Variants in EIF4G3 observed in about 807,000 individuals in gnomAD.
The protein encoded by EIF4G3 is eukaryotic translation initiation factor 4 gamma 3.
A neutral mutation model predicts 186.4 loss-of-function variants in EIF4G3; 34 were observed. The observed-to-expected ratio is 0.18, with a 90% CI of 0.14 to 0.24. The LOEUF (loss-of-function observed/expected upper bound fraction) is 0.24, where lower values mean the gene tolerates loss of function less well. Among genes scored for constraint, EIF4G3 ranks in the 10% least tolerant of loss-of-function variants. The pLI is 1.00. For synonymous variants in EIF4G3, 673 were observed against 679.5 expected (o/e 0.99, Z 0.15); for missense variants, 1,536 against 1,948.5 (o/e 0.79, Z 3.99).
intron 26 of EIF4G3, 130 bp from the exon 27 acceptor site, chr1:20,853,807 G>A: frequency 1.5e-6 from 1 of 656,298 alleles, no homozygotes; most frequent in Non-Finnish European, 2.7e-6. Flanking sequence ...CCCATCTCCT[G>A]GTCCCTCTAC....
At chr1:21,027,299 T>A (rs2092263974) in intron 4 of EIF4G3, among the ~76,000 whole-genome samples, 1 of 150,478 alleles carries the variant, frequency 6.6e-6, no homozygotes, top group Non-Finnish European at 1.5e-5. Context: ...TTCAAGTGAT[T>A]CTCCTGCCTC....
intron 20 of EIF4G3, among the ~76,000 whole-genome samples, chr1:20,870,126 C>T (rs35597367): frequency 6.6e-6 from 1 of 152,086 alleles, no homozygotes; most frequent in Non-Finnish European, 1.5e-5. Context: ...CAAATCCCTC[C>T]TCCTCCAGTT....
Position 20,844,807 on chromosome 1 carries a change from G to A in EIF4G3, c.3889-3779C>T, listed in dbSNP as rs144542336. Among the ~76,000 whole-genome samples, 673 of 152,110 alleles carry A rather than the reference G, an allele frequency of 4.4e-3. 6 individuals carry two copies. The highest frequency in any genetic ancestry group is 5.9e-3 in the Non-Finnish European group (403 of 68,016). ...AGATTGCGCCACTGCACTCCAGCCT[G>A]GGCGACAAGAGCAACACTCCATCTC... On this transcript the variant is annotated intron_variant, in intron 29 of 36. Transcript: ENST00000602326.
intron 20 of EIF4G3, among the ~76,000 whole-genome samples, chr1:20,874,460 G>A (rs1482730228): frequency 2.0e-5 from 3 of 151,998 alleles, no homozygotes; most frequent in African/African-American, 4.8e-5. Context: ...TGTTGGCCGC[G>A]TAAATGTCTT....
chr1:21,158,771 G>A (rs1048864821), intron 2 of EIF4G3, among the ~76,000 whole-genome samples: 1 of 151,756 alleles, frequency 6.6e-6, no homozygotes, highest in Non-Finnish European at 1.5e-5. Context: ...TATATATATA[G>A]GTGTTCATCC....
At chr1:21,043,149 T>G (rs920858411) in intron 4 of EIF4G3, among the ~76,000 whole-genome samples, 1 of 152,152 alleles carries the variant, frequency 6.6e-6, no homozygotes, top group African/African-American at 2.4e-5. Context: ...TCTCCCAGGA[T>G]GCATCCAAAA....
intron 3 of EIF4G3, among the ~76,000 whole-genome samples, chr1:21,087,588 A>G (rs1030300591): frequency 6.6e-6 from 1 of 152,114 alleles, no homozygotes; most frequent in African/African-American, 2.4e-5. Flanking sequence ...TGAGCTCGGG[A>G]GTCTGACCAA....
chr1:21,034,216 A>C (rs998746613), intron 4 of EIF4G3, among the ~76,000 whole-genome samples: 1 of 152,214 alleles, frequency 6.6e-6, no homozygotes, highest in African/African-American at 2.4e-5. Context: ...ATCTCTTTTC[A>C]ACACCAGGGA....
At chr1:20,922,415 A>T (rs1219384129) in intron 14 of EIF4G3, among the ~76,000 whole-genome samples, 1 of 152,044 alleles carries the variant, frequency 6.6e-6, no homozygotes, top group African/African-American at 2.4e-5. Context: ...CTCCTGCCTC[A>T]GCCTCCCAAG....
chr1:20,936,624 T>C (rs1342140816), intron 14 of EIF4G3, among the ~76,000 whole-genome samples: 1 of 152,138 alleles, frequency 6.6e-6, no homozygotes, highest in African/African-American at 2.4e-5. Context: ...TTTAAAAGAT[T>C]AGTCATTTTT....
intron 26 of EIF4G3, among the ~76,000 whole-genome samples, 195 bp from the exon 27 acceptor site, chr1:20,853,872 G>C (rs1463353193): frequency 6.6e-6 from 1 of 152,094 alleles, no homozygotes; most frequent in Non-Finnish European, 1.5e-5. Flanking sequence ...GAGTTTAGAA[G>C]TCTTTATTTA....
intron 2 of EIF4G3, among the ~76,000 whole-genome samples, chr1:21,165,330 G>A (rs965582496): frequency 3.3e-5 from 5 of 152,008 alleles, no homozygotes; most frequent in Non-Finnish European, 5.9e-5. Context: ...TATACCCCAA[G>A]GTATATACTC....
chr1:21,054,723 G>A (rs1005599748), intron 3 of EIF4G3, among the ~76,000 whole-genome samples: 7 of 152,126 alleles, frequency 4.6e-5, no homozygotes, highest in African/African-American at 1.7e-4. Flanking sequence ...CAAAAGGTCT[G>A]AAGAAAATCT....
intron 27 of EIF4G3, 109 bp from the exon 28 acceptor site, chr1:20,851,587 C>A: frequency 9.8e-7 from 1 of 1,019,600 alleles, no homozygotes. Flanking sequence ...GAATTTTTCA[C>A]AGATAACATT....
At chr1:20,933,070 T>C (rs1197760110) in intron 14 of EIF4G3, among the ~76,000 whole-genome samples, 1 of 152,154 alleles carries the variant, frequency 6.6e-6, no homozygotes, top group Admixed American at 6.5e-5. Flanking sequence ...TGAGAGGATA[T>C]GGATACCAGA....
At chr1:20,813,368 G>T in intron 34 of EIF4G3, 129 bp from the exon 35 acceptor site, 3 of 369,682 alleles carry the variant, frequency 8.1e-6, no homozygotes, top group Non-Finnish European at 1.5e-5. Context: ...GTTGAGACCA[G>T]TCTGGGCAAT....
intron 2 of EIF4G3, among the ~76,000 whole-genome samples, chr1:21,121,639 G>A (rs1344564785): frequency 1.3e-5 from 2 of 152,084 alleles, no homozygotes; most frequent in Admixed American, 1.3e-4. Flanking sequence ...GCCAGGCGTG[G>A]TGGTGCACAC....
At chr1:21,112,311 C>G (rs1227575324) in intron 2 of EIF4G3, among the ~76,000 whole-genome samples, 1 of 152,184 alleles carries the variant, frequency 6.6e-6, no homozygotes, top group Non-Finnish European at 1.5e-5. Flanking sequence ...GAAAACCATT[C>G]TACAAGTCAA....
At chr1:21,066,609 G>A (rs372167677) in intron 3 of EIF4G3, among the ~76,000 whole-genome samples, 2 of 152,060 alleles carry the variant, frequency 1.3e-5, no homozygotes, top group Admixed American at 6.6e-5. Flanking sequence ...CAGAATTCCC[G>A]ACAGCCAGAT....
Sources: allele counts gnomAD v4.1 joint callset (sites outside exome capture counted in the v4.1 genomes callset), GRCh38; gene constraint gnomAD v4.1.1; transcripts MANE v1.5; gene names NCBI Gene and HGNC (gene_info 2026-07-23, HGNC 2026-07-21).